The following LDB2 variants were observed in gnomAD, a reference collection of about 807,000 sequenced individuals.
LDB2 encodes LIM domain-binding protein 2.
Under a neutral mutation model 44.3 loss-of-function variants are expected in LDB2, and 12 were observed. That is an observed-to-expected ratio of 0.27 (90% CI 0.17 to 0.44). The LOEUF is 0.44. Ranked by LOEUF, LDB2 falls within the 20% of genes least tolerant of loss-of-function variation. LDB2 has a pLI of 1.00. For synonymous variants in LDB2, 164 were observed against 174.8 expected (o/e 0.94, Z 0.49); for missense variants, 344 against 473.5 (o/e 0.73, Z 2.54).
intron 5 of LDB2, among the ~76,000 whole-genome samples, chr4:16,547,380 A>G (rs1218139106): frequency 6.6e-6 from 1 of 152,188 alleles, no homozygotes; most frequent in African/African-American, 2.4e-5. Flanking sequence ...GATTTAAACC[A>G]TGAGGTGTGG....
chr4:16,577,605 C>T (rs542550202), intron 5 of LDB2, among the ~76,000 whole-genome samples: 197 of 152,200 alleles, frequency 1.3e-3, no homozygotes, highest in African/African-American at 4.5e-3. Context: ...TCCATTTTCA[C>T]TGATTGAAAG....
intron 5 of LDB2, among the ~76,000 whole-genome samples, chr4:16,554,203 AC>A (rs1002163441): frequency 1.3e-4 from 20 of 152,098 alleles, no homozygotes; most frequent in African/African-American, 4.6e-4. Flanking sequence ...GGCATGCGCC[AC>A]CATGCCCGGC....
intron 5 of LDB2, among the ~76,000 whole-genome samples, chr4:16,580,176 T>C (rs1397523713): frequency 3.3e-5 from 5 of 152,020 alleles, no homozygotes; most frequent in African/African-American, 1.2e-4. Context: ...CTGTAGGTGG[T>C]TCGTGTGGTC....
At chr4:16,646,581 G>A (rs1236638849) in intron 2 of LDB2, among the ~76,000 whole-genome samples, 1 of 152,172 alleles carries the variant, frequency 6.6e-6, no homozygotes, top group Admixed American at 6.5e-5. Context: ...ACTGGCCCCT[G>A]AATGAATCTG....
intron 2 of LDB2, among the ~76,000 whole-genome samples, chr4:16,624,680 A>G (rs1303325033): frequency 6.6e-6 from 1 of 152,148 alleles, no homozygotes; most frequent in Non-Finnish European, 1.5e-5. Context: ...ACTGTGTAGG[A>G]CCATTATGTG....
chr4:16,819,992 G>A (rs1258960751), intron 1 of LDB2, among the ~76,000 whole-genome samples: 2 of 152,216 alleles, frequency 1.3e-5, no homozygotes, highest in Non-Finnish European at 2.9e-5. Flanking sequence ...TCTTTCCTGT[G>A]TAGTCAGCCA....
chr4:16,659,671 G>GTGTGTGTATATATATATATA (rs1315288524), intron 2 of LDB2, among the ~76,000 whole-genome samples: 48 of 133,558 alleles, frequency 3.6e-4, no homozygotes, highest in African/African-American at 8.5e-4. Context: ...ATCTATGTGT[G>GTGTGTGTATATATATATATA]TATATATATA....
chr4:16,638,866 C>T (rs869213824), intron 2 of LDB2, among the ~76,000 whole-genome samples: 2 of 151,958 alleles, frequency 1.3e-5, no homozygotes, highest in South Asian at 4.1e-4. Flanking sequence ...GAAACCAACA[C>T]GGGTTTTGTG....
Position 16,567,424 on chromosome 4 carries a change from G to T in LDB2, c.615+18498C>A, listed in dbSNP as rs181143231. On this transcript the variant is annotated intron_variant, in intron 5 of 7. Transcript: ENST00000304523. ...CGTGTGTGTGCATGCGTGTGTGTGT[G>T]TTTAAAGCAATATATGCTTGTATAT... Among the ~76,000 whole-genome samples the T allele has an allele frequency of 2.6e-4, 40 of 151,858 alleles. 1 individual carries two copies. The highest frequency in any genetic ancestry group is 8.7e-4 in the African/African-American group (36 of 41,386).
chr4:16,577,374 T>G (rs2152411163), intron 5 of LDB2, among the ~76,000 whole-genome samples: 1 of 152,222 alleles, frequency 6.6e-6, no homozygotes, highest in South Asian at 2.1e-4. Context: ...ACAAATTCAG[T>G]AAAGTTGCGC....
chr4:16,553,634 C>G (rs1397098319), intron 5 of LDB2, among the ~76,000 whole-genome samples: 1 of 152,102 alleles, frequency 6.6e-6, no homozygotes, highest in Non-Finnish European at 1.5e-5. Flanking sequence ...TGAACCTGAC[C>G]AGGTAAGAAA....
intron 3 of LDB2, among the ~76,000 whole-genome samples, chr4:16,594,779 G>A (rs1364488621): frequency 6.6e-6 from 1 of 152,188 alleles, no homozygotes; most frequent in Non-Finnish European, 1.5e-5. Context: ...TATAAAGAGA[G>A]CGTTGTCATT....
intron 1 of LDB2, among the ~76,000 whole-genome samples, chr4:16,780,986 C>T (rs1773093958): frequency 6.6e-6 from 1 of 152,102 alleles, no homozygotes; most frequent in Non-Finnish European, 1.5e-5. Flanking sequence ...TGTTTTGAAT[C>T]CTTCTGGGCA....
At chr4:16,682,078 T>C (rs1748087729) in intron 2 of LDB2, among the ~76,000 whole-genome samples, 1 of 152,214 alleles carries the variant, frequency 6.6e-6, no homozygotes, top group Non-Finnish European at 1.5e-5. Flanking sequence ...CATTTGAACA[T>C]TGCTCATCAT....
intron 2 of LDB2, among the ~76,000 whole-genome samples, chr4:16,606,623 G>C (rs139743182): frequency 1.3e-5 from 2 of 152,180 alleles, no homozygotes; most frequent in Admixed American, 1.3e-4. Context: ...AGCTCATGTG[G>C]TTATTGCTCC....
chr4:16,829,100 A>T (rs1561370743), intron 1 of LDB2, among the ~76,000 whole-genome samples: 1 of 152,136 alleles, frequency 6.6e-6, no homozygotes, highest in Non-Finnish European at 1.5e-5. Flanking sequence ...TTGCTTCCTT[A>T]CTCATGCTAA....
At chr4:16,870,208 A>G (rs796574418) in intron 1 of LDB2, among the ~76,000 whole-genome samples, 2 of 152,336 alleles carry the variant, frequency 1.3e-5, no homozygotes, top group African/African-American at 4.8e-5. Flanking sequence ...AGGAGGGAAT[A>G]GTGAGAAAGC....
At chr4:16,767,371 G>A (rs73799269) in intron 1 of LDB2, among the ~76,000 whole-genome samples, 2 of 152,272 alleles carry the variant, frequency 1.3e-5, no homozygotes, top group African/African-American at 4.8e-5. Flanking sequence ...CTTGACACAA[G>A]CATAGGAAAG....
chr4:16,797,229 C>A (rs1199673952), intron 1 of LDB2, among the ~76,000 whole-genome samples: 1 of 152,114 alleles, frequency 6.6e-6, no homozygotes, highest in Non-Finnish European at 1.5e-5. Context: ...TATTTTTGAT[C>A]CGCCTTTGGC....
Sources: allele counts gnomAD v4.1 joint callset (sites outside exome capture counted in the v4.1 genomes callset), GRCh38; gene constraint gnomAD v4.1.1; transcripts MANE v1.5; gene names NCBI Gene and HGNC (gene_info 2026-07-23, HGNC 2026-07-21).